MYO16: variants seen among roughly 807,000 people sequenced by gnomAD.
MYO16 encodes unconventional myosin-XVI.
In MYO16, 94 loss-of-function variants were observed where a neutral mutation model predicts 205.3. The observed-to-expected ratio is 0.46, with a 90% CI of 0.39 to 0.54. The LOEUF is 0.54. Ranked by LOEUF, MYO16 falls within the 20% of genes least tolerant of loss-of-function variation. The pLI, the probability that MYO16 is intolerant of heterozygous loss-of-function variation, is 0.00. For missense variants in MYO16, 2,315 were observed against 2,387.5 expected (o/e 0.97, Z 0.63); for synonymous variants, 988 against 954.0 (o/e 1.04, Z -0.66).
At chr13:108,568,927 A>T in the MYO16 span, among the ~76,000 whole-genome samples, 3 of 151,922 alleles carry the variant, frequency 2.0e-5, no homozygotes, top group Non-Finnish European at 2.9e-5. Flanking sequence ...TAATTCCTGA[A>T]AACCTATTAT....
intron 1 of MYO16, among the ~76,000 whole-genome samples, chr13:108,599,785 A>G (rs1489475883): frequency 1.3e-5 from 2 of 152,234 alleles, no homozygotes; most frequent in African/African-American, 4.8e-5. Context: ...TCTGTCTCAC[A>G]AAACTCACAT....
chr13:108,579,692 G>T, the MYO16 span, among the ~76,000 whole-genome samples: 412 of 152,238 alleles, frequency 2.7e-3, 4 homozygotes, highest in African/African-American at 9.5e-3. Flanking sequence ...ACCTGCCTCG[G>T]CCTCCCAAAG....
rs548551477 is a variant in MYO16, at chr13:108,811,364, C to T, written c.867+4560C>T. On this transcript the variant is annotated intron_variant, in intron 7 of 34. Transcript: ENST00000457511. ...AGGGAGTATTAACAAGCTTCATGTG[C>T]CATCCTAGGCTCCTTTTTGATGTTT... 4.6e-5 allele frequency among the ~76,000 whole-genome samples: 7 copies of T among 152,166 alleles called. No homozygotes were observed. The South Asian group carries it at 1.2e-3, about 27-fold the overall frequency.
chr13:108,957,577 G>A (rs1425340600), intron 16 of MYO16, 111 bp from the exon 17 acceptor site: 1 of 683,130 alleles, frequency 1.5e-6, no homozygotes, highest in African/African-American at 1.8e-5. Context: ...GGGACACCAT[G>A]TCCAGGTGAT....
intron 23 of MYO16, among the ~76,000 whole-genome samples, chr13:109,032,377 C>G (rs1220615010): frequency 2.0e-5 from 3 of 152,172 alleles, no homozygotes; most frequent in African/African-American, 7.2e-5. Context: ...TTATCCCTCC[C>G]ACATCGTCGC....
rs146090414 is a variant in MYO16, at chr13:108,882,491, G to C, written c.1426-568G>C. On this transcript the variant is annotated intron_variant, in intron 12 of 34. Coordinates refer to ENST00000457511, the MANE Select transcript of MYO16 (RefSeq NM_001198950.3). The stretch of plus-strand genomic sequence containing the variant: ...ACAACTAAGAAGTCTTCCTACTCTT[G>C]AGTTTTTATTCTAAAGTAATAAAAT... Among the ~76,000 whole-genome samples the C allele has an allele frequency of 2.0e-5, 3 of 152,192 alleles. No homozygotes were observed. The East Asian group carries it at 5.8e-4, about 29-fold the overall frequency.
At chr13:109,045,096 C>T (rs1335507474) in intron 23 of MYO16, among the ~76,000 whole-genome samples, 2 of 152,162 alleles carry the variant, frequency 1.3e-5, no homozygotes, top group African/African-American at 4.8e-5. Context: ...GAATGACTTG[C>T]CTAATTCCAC....
intron 23 of MYO16, among the ~76,000 whole-genome samples, chr13:109,030,512 C>T (rs1372898685): frequency 6.6e-6 from 1 of 152,086 alleles, no homozygotes; most frequent in East Asian, 1.9e-4. Flanking sequence ...ATTCCAACCA[C>T]TTATTTCCTA....
intron 32 of MYO16, chr13:109,164,091 C>T (rs1237699305): frequency 2.6e-5 from 4 of 152,162 alleles, no homozygotes; most frequent in Admixed American, 1.3e-4. Context: ...CCCAGGTGCA[C>T]CTGTGAAGTC....
At chr13:109,062,359 C>T (rs1177441826) in intron 27 of MYO16, among the ~76,000 whole-genome samples, 3 of 151,986 alleles carry the variant, frequency 2.0e-5, no homozygotes, top group African/African-American at 2.4e-5. Flanking sequence ...ATTAAGTGGT[C>T]GTTCATTTTA....
chr13:108,590,020 AT>A, the MYO16 span, among the ~76,000 whole-genome samples: 1 of 152,236 alleles, frequency 6.6e-6, no homozygotes, highest in Admixed American at 6.5e-5. Flanking sequence ...GCAGTGATAT[AT>A]ATAGGAATAA....
At chr13:108,974,134 A>G (rs1224852521) in intron 20 of MYO16, among the ~76,000 whole-genome samples, 1 of 152,206 alleles carries the variant, frequency 6.6e-6, no homozygotes, top group East Asian at 1.9e-4. Context: ...TTGTTCTACT[A>G]AGAATTCAGT....
intron 3 of MYO16, among the ~76,000 whole-genome samples, chr13:108,713,079 G>A (rs554433893): frequency 6.6e-6 from 1 of 152,112 alleles, no homozygotes; most frequent in East Asian, 1.9e-4. Context: ...CTTTGCTCGT[G>A]ATCCAGCTCT....
chr13:109,169,899 G>A (rs1313477588), intron 33 of MYO16, among the ~76,000 whole-genome samples: 2 of 152,230 alleles, frequency 1.3e-5, no homozygotes, highest in East Asian at 1.9e-4. Flanking sequence ...AAATTGGCAT[G>A]TGAGAGCACT....
rs531937199 is a variant in MYO16, at chr13:108,614,770, A to T, written c.-39+18531A>T. On this transcript the variant is annotated intron_variant, in intron 1 of 24. Transcript: ENST00000251041. ...TGAAACAACGGAATATCCATATGCA[A>T]AAGAATGAACTTGGACCCATACTTC... is the stretch of plus-strand genomic sequence containing the variant. 2.0e-5 allele frequency among the ~76,000 whole-genome samples: 3 copies of T among 152,208 alleles called. No homozygotes were observed. In the South Asian group the frequency reaches 6.2e-4, roughly 32 times the overall value.
chr13:108,620,211 T>A (rs1193932891), intron 1 of MYO16, among the ~76,000 whole-genome samples: 1 of 152,060 alleles, frequency 6.6e-6, no homozygotes, highest in Admixed American at 6.5e-5. Context: ...GTTTGCTATA[T>A]AAGTTGAAGC....
At chr13:109,059,900 G>A (rs903154622) in intron 27 of MYO16, among the ~76,000 whole-genome samples, 3 of 152,026 alleles carry the variant, frequency 2.0e-5, no homozygotes, top group African/African-American at 7.2e-5. Flanking sequence ...TGGCTTTTAT[G>A]TTTAAGTCTT....
In MYO16 at chr13:109,043,039, C is replaced by T. The variant is rs558794456; in HGVS notation, c.2797-3877C>T. Among the ~76,000 whole-genome samples, 11 of 152,236 alleles carry T rather than the reference C, an allele frequency of 7.2e-5. No individual in the cohort carries two copies. In the South Asian group the frequency reaches 1.9e-3, roughly 26 times the overall value. ...CTTCAGCATTTTCTCTAGATATCCA[C>T]GTAAACCGGGTGCCATGTATGAGAA... On this transcript the variant is annotated intron_variant, in intron 23 of 34. Coordinates refer to ENST00000457511, the MANE Select transcript of MYO16 (RefSeq NM_001198950.3).
chr13:108,894,308 G>A (rs1027974654), intron 14 of MYO16, among the ~76,000 whole-genome samples: 1 of 152,192 alleles, frequency 6.6e-6, no homozygotes. Context: ...CAGTGAGGAT[G>A]TATTGGGGTG....
Sources: gnomAD v4.1 joint callset for allele counts (sites outside exome capture counted in the v4.1 genomes callset) on GRCh38, gnomAD v4.1.1 for gene constraint, MANE v1.5 for transcripts, NCBI Gene and HGNC (gene_info 2026-07-23, HGNC 2026-07-21) for gene names.